CTCF: variants seen among roughly 807,000 people sequenced by gnomAD.
CTCF encodes CCCTC-binding factor.
Under a neutral mutation model 72.3 loss-of-function variants are expected in CTCF, and 7 were observed. That is an observed-to-expected ratio of 0.10 (90% CI 0.06 to 0.18). The LOEUF (loss-of-function observed/expected upper bound fraction) is 0.18, where lower values mean the gene tolerates loss of function less well. CTCF is among the 10% of genes least tolerant of loss of function. CTCF has a pLI of 1.00. For synonymous variants in CTCF, 374 were observed against 315.8 expected, an observed-to-expected ratio of 1.18 and a Z score of -1.95; for missense variants, 516 against 949.1, an observed-to-expected ratio of 0.54 and a Z score of 6.00.
chr16:67,588,835 C>T (rs940557222), intron 2 of CTCF, among the ~76,000 whole-genome samples: 2 of 151,918 alleles, frequency 1.3e-5, no homozygotes, highest in African/African-American at 4.8e-5. Flanking sequence ...TACAGGTGCA[C>T]GCCACCACAC....
At chr16:67,572,954 C>G (rs1191711911) in intron 2 of CTCF, among the ~76,000 whole-genome samples, 1 of 134,696 alleles carries the variant, frequency 7.4e-6, no homozygotes, top group Non-Finnish European at 1.6e-5. Context: ...CCCGCCCCCC[C>G]CCCCAAAACA....
intron 7 of CTCF, among the ~76,000 whole-genome samples, chr16:67,622,967 T>C (rs1383964117): frequency 6.8e-6 from 1 of 147,714 alleles, no homozygotes; most frequent in African/African-American, 2.5e-5. Flanking sequence ...CAGCCCTCAC[T>C]TGCTTTTTTT....
intron 9 of CTCF, 141 bp from the exon 10 acceptor site, chr16:67,629,257 G>T: frequency 1.4e-6 from 1 of 730,204 alleles, no homozygotes; most frequent in Non-Finnish European, 2.2e-6. Context: ...CATTTCCCCT[G>T]AGCAGAGACA....
chr16:67,624,105 G>GTA (rs1372444195), intron 7 of CTCF, among the ~76,000 whole-genome samples: 2 of 135,432 alleles, frequency 1.5e-5, no homozygotes, highest in East Asian at 2.0e-4. Context: ...GTGTGTGTGT[G>GTA]TGTGTGTGTG....
In CTCF at chr16:67,572,949, C is replaced by G. The variant is rs371387225; in HGVS notation, c.-10+1685C>G. 5.2e-4 allele frequency among the ~76,000 whole-genome samples: 59 copies of G among 113,990 alleles called. 1 individual carries two copies. The East Asian group carries it at 9.5e-3, about 18-fold the overall frequency. 74.8% of individuals were successfully genotyped at this position (113,990 alleles called of 152,430 possible). On this transcript the variant is annotated intron_variant, in intron 2 of 11. Transcript: ENST00000264010. ...AGTGACTCTGTCTGCCCCCCCCCGC[C>G]CCCCCCCCCAAAACAACAAAAGACT...
intron 2 of CTCF, among the ~76,000 whole-genome samples, chr16:67,598,285 A>T (rs2051841385): frequency 6.6e-6 from 1 of 152,150 alleles, no homozygotes. Flanking sequence ...CCAGTGGAAG[A>T]GTTTTATAAT....
chr16:67,611,228 A>G lies in CTCF; in HGVS notation c.396A>G (p.Glu132=), dbSNP rs200516339. The G allele has an allele frequency of 6.2e-7, 1 of 1,614,198 alleles. No individual in the cohort carries two copies. The highest frequency in any genetic ancestry group is 1.3e-5 in the African/African-American group (1 of 75,058). ...VTVPVATTSV[E]ELQGAYENEV... is the part of the protein sequence containing the mutation. ...TACCTGTTGCTACCACTTCAGTAGA[A>G]GAACTTCAGGGGGCTTATGAAAATG... The change falls in exon 3 of 12, where the codon GAA becomes GAG. Residue 132 remains glutamate (E), a synonymous_variant. Coordinates refer to ENST00000264010, the MANE Select transcript of CTCF (RefSeq NM_006565.4).
At chr16:67,619,589 G>A (rs553824045) in intron 5 of CTCF, among the ~76,000 whole-genome samples, 1 of 152,160 alleles carries the variant, frequency 6.6e-6, no homozygotes, top group South Asian at 2.1e-4. Context: ...GGAGCAGGGG[G>A]TGCGTGGCAG....
chr16:67,633,407 A>G (rs371112112), intron 10 of CTCF, among the ~76,000 whole-genome samples: 5 of 152,190 alleles, frequency 3.3e-5, no homozygotes, highest in East Asian at 3.8e-4. Context: ...TCTTTATACA[A>G]TAGTTTCCTC....
rs367683782 is a variant in CTCF, at chr16:67,611,703, G to C, written c.781+90G>C. ...ATATGCAAGTTGTTTTATATTAACC[G>C]TATTTGTAAAAGGTCGTTATGTGGG... On this transcript the variant is annotated intron_variant, in intron 3 of 11. Coordinates refer to ENST00000264010, the MANE Select transcript of CTCF (RefSeq NM_006565.4). 7 of 1,298,366 alleles carry C rather than the reference G, an allele frequency of 5.4e-6. No individual in the cohort carries two copies. The South Asian group carries it at 1.0e-4, about 19-fold the overall frequency. 80.4% of individuals were successfully genotyped at this position (1,298,366 alleles called of 1,614,324 possible).
chr16:67,564,943 T>TA (rs991272045), intron 1 of CTCF, among the ~76,000 whole-genome samples: 3 of 152,120 alleles, frequency 2.0e-5, no homozygotes, highest in Non-Finnish European at 2.9e-5. Flanking sequence ...TTGTTTTTAT[T>TA]AAAAAACAAT....
At chr16:67,564,418 T>C (rs1036233554) in intron 1 of CTCF, among the ~76,000 whole-genome samples, 1 of 152,220 alleles carries the variant, frequency 6.6e-6, no homozygotes, top group Admixed American at 6.5e-5. Context: ...GTATGTAATC[T>C]CAATGTGTAG....
chr16:67,631,006 A>T (rs1267815683), intron 10 of CTCF, among the ~76,000 whole-genome samples: 1 of 152,174 alleles, frequency 6.6e-6, no homozygotes, highest in South Asian at 2.1e-4. Context: ...TGGAGAGATT[A>T]TAGATGATGC....
intron 2 of CTCF, among the ~76,000 whole-genome samples, chr16:67,578,540 C>T (rs1377218496): frequency 6.7e-6 from 1 of 148,650 alleles, no homozygotes; most frequent in South Asian, 2.3e-4. Context: ...ACCGTGTTGG[C>T]CAGGCTGGTC....
Position 67,583,876 on chromosome 16 carries a change from C to G in CTCF, c.-10+12612C>G, listed in dbSNP as rs2051624154. ...AGCATTTTTGCCTGACACAGGGATT[C>G]TGCTTTATATTTCTTGGACTGCAGA... is the stretch of plus-strand genomic sequence containing the variant. On this transcript the variant is annotated intron_variant, in intron 2 of 11. Transcript: ENST00000264010. 2.0e-5 allele frequency among the ~76,000 whole-genome samples: 3 copies of G among 152,062 alleles called. No homozygotes were observed. The South Asian group carries it at 6.2e-4, about 31-fold the overall frequency.
intron 2 of CTCF, among the ~76,000 whole-genome samples, chr16:67,588,222 C>A (rs751602819): frequency 6.6e-6 from 1 of 152,134 alleles, no homozygotes; most frequent in Non-Finnish European, 1.5e-5. Flanking sequence ...CAGCATCTGT[C>A]CAAAATTCAT....
intron 2 of CTCF, among the ~76,000 whole-genome samples, chr16:67,589,815 G>A (rs558679745): frequency 3.9e-5 from 6 of 152,192 alleles, no homozygotes; most frequent in Non-Finnish European, 7.4e-5. Context: ...GCCTGGACGC[G>A]GTGGCTCACA....
intron 2 of CTCF, among the ~76,000 whole-genome samples, chr16:67,584,337 C>CTTCTT (rs1462998203): frequency 3.8e-5 from 4 of 105,822 alleles, no homozygotes; most frequent in African/African-American, 8.5e-5. Context: ...AAAAAGTCTT[C>CTTCTT]TTTTTTTTTT....
chr16:67,625,895 A>G (rs570731667), intron 7 of CTCF, among the ~76,000 whole-genome samples: 30 of 148,166 alleles, frequency 2.0e-4, no homozygotes, highest in Admixed American at 5.7e-4. Flanking sequence ...TGACCCCAAC[A>G]GCTACCTGGT....
Sources: allele counts gnomAD v4.1 joint callset (sites outside exome capture counted in the v4.1 genomes callset), GRCh38; gene constraint gnomAD v4.1.1; transcripts MANE v1.5; gene names NCBI Gene and HGNC (gene_info 2026-07-23, HGNC 2026-07-21).